The following RBM47 variants were observed in gnomAD, a reference collection of about 807,000 sequenced individuals.
RBM47 encodes RNA-binding protein 47.
In RBM47, 21 loss-of-function variants were observed where a neutral mutation model predicts 47.1. The ratio of observed to expected loss-of-function variants is 0.45; its 90% CI spans 0.32 to 0.64. The LOEUF (loss-of-function observed/expected upper bound fraction) is 0.64. Ranked by LOEUF, RBM47 falls within the 30% of genes least tolerant of loss-of-function variation. RBM47 has a pLI of 0.05. For synonymous variants in RBM47, 375 were observed against 361.7 expected, an observed-to-expected ratio of 1.04 and a Z score of -0.42; for missense variants, 708 against 870.9, an observed-to-expected ratio of 0.81 and a Z score of 2.35.
chr4:40,454,779 G>A (rs1715980456), intron 3 of RBM47, among the ~76,000 whole-genome samples: 1 of 152,148 alleles, frequency 6.6e-6, no homozygotes, highest in African/African-American at 2.4e-5. Context: ...ATTATGTGGT[G>A]GCTCACGCCT....
chr4:40,580,960 C>A (rs567545593), intron 1 of RBM47, among the ~76,000 whole-genome samples: 1 of 152,108 alleles, frequency 6.6e-6, no homozygotes, highest in Non-Finnish European at 1.5e-5. Flanking sequence ...CGCCCCATGG[C>A]GGGAACAGGT....
chr4:40,509,168 T>TAAATAAAA (rs1249767536), intron 2 of RBM47, among the ~76,000 whole-genome samples: 1 of 148,376 alleles, frequency 6.7e-6, no homozygotes, highest in African/African-American at 2.4e-5. Flanking sequence ...TCAAAATAAA[T>TAAATAAAA]AAATAAATAA....
intron 1 of RBM47, among the ~76,000 whole-genome samples, chr4:40,571,220 G>T (rs1731673281): frequency 6.8e-6 from 1 of 147,858 alleles, no homozygotes; most frequent in Admixed American, 6.9e-5. Flanking sequence ...CATCTCAAAA[G>T]AAAAAGAAAA....
intron 2 of RBM47, among the ~76,000 whole-genome samples, chr4:40,512,014 G>A (rs1035683572): frequency 1.1e-4 from 17 of 152,142 alleles, no homozygotes; most frequent in African/African-American, 3.9e-4. Flanking sequence ...GTGAAATAAA[G>A]GGAAACAAGG....
intron 2 of RBM47, among the ~76,000 whole-genome samples, chr4:40,538,390 G>A (rs1286593055): frequency 7.1e-6 from 1 of 141,260 alleles, no homozygotes; most frequent in African/African-American, 2.7e-5. Flanking sequence ...ACAATGGCAC[G>A]ATCTCAGCTC....
intron 3 of RBM47, among the ~76,000 whole-genome samples, chr4:40,462,287 T>C (rs2154228809): frequency 6.6e-6 from 1 of 152,354 alleles, no homozygotes; most frequent in Middle Eastern, 3.4e-3. Flanking sequence ...TTTGGAAACA[T>C]AGTTAGCACA....
At chr4:40,625,589 C>T (rs992335358) in intron 1 of RBM47, among the ~76,000 whole-genome samples, 2 of 152,088 alleles carry the variant, frequency 1.3e-5, no homozygotes, top group East Asian at 3.9e-4. Flanking sequence ...TTGTCTTCCA[C>T]CCCAGCTGGT....
At chr4:40,459,479 T>C (rs1036966263) in intron 3 of RBM47, among the ~76,000 whole-genome samples, 3 of 152,044 alleles carry the variant, frequency 2.0e-5, no homozygotes, top group Admixed American at 6.6e-5. Flanking sequence ...GGTGGGAGGA[T>C]TGCTTGAGCC....
intron 2 of RBM47, among the ~76,000 whole-genome samples, chr4:40,518,171 T>C (rs926280653): frequency 3.9e-5 from 5 of 128,604 alleles, no homozygotes; most frequent in South Asian, 2.8e-4. Flanking sequence ...TTTTTTTTTT[T>C]TTTTTTTTTT....
chr4:40,478,245 C>T (rs868344094), intron 2 of RBM47, among the ~76,000 whole-genome samples: 7 of 151,950 alleles, frequency 4.6e-5, no homozygotes, highest in Non-Finnish European at 8.8e-5. Flanking sequence ...GAACTCCCGA[C>T]CTCAGGTGAT....
At chr4:40,526,547 GTTTC>G (rs1726730173) in intron 2 of RBM47, among the ~76,000 whole-genome samples, 1 of 151,990 alleles carries the variant, frequency 6.6e-6, no homozygotes, top group Admixed American at 6.6e-5. Context: ...TCTTTTATTT[GTTTC>G]TTTTTGTTTT....
rs1254891298 is a variant in RBM47 at position 40,424,196 on chromosome 4, T to G, written c.*1708A>C. The G allele has an allele frequency of 6.6e-6, 1 of 152,372 alleles. No homozygotes were observed. The highest frequency in any genetic ancestry group is 1.5e-5 in the Non-Finnish European group (1 of 68,030). The allele number at this position is 152,372 out of a possible 1,614,324, so 9.4% of individuals were successfully genotyped here. The stretch of plus-strand genomic sequence containing the variant: ...GATCCTCTTATGAATCCACAAGAAT[T>G]CAGCCATCAACAAAAATCCCGTGAG... On this transcript the variant is annotated 3_prime_UTR_variant, in exon 7 of 7. Transcript: ENST00000295971.
intron 2 of RBM47, among the ~76,000 whole-genome samples, chr4:40,522,711 G>A (rs1267511545): frequency 1.3e-5 from 2 of 152,070 alleles, no homozygotes; most frequent in African/African-American, 2.4e-5. Flanking sequence ...AAGCAAATAT[G>A]AGCATACAGC....
intron 1 of RBM47, among the ~76,000 whole-genome samples, chr4:40,607,025 T>C (rs1373055671): frequency 1.3e-5 from 2 of 152,110 alleles, no homozygotes; most frequent in Non-Finnish European, 2.9e-5. Context: ...AAATGATGTG[T>C]TTTATCTTCC....
chr4:40,429,991 A>C (rs1212735013), intron 6 of RBM47, among the ~76,000 whole-genome samples: 3 of 151,888 alleles, frequency 2.0e-5, no homozygotes, highest in Non-Finnish European at 4.4e-5. Context: ...TCAGGAGATC[A>C]AGACCATCCT....
intron 1 of RBM47, among the ~76,000 whole-genome samples, chr4:40,574,379 T>A (rs1187333711): frequency 2.0e-5 from 3 of 152,204 alleles, no homozygotes; most frequent in Admixed American, 6.5e-5. Context: ...GACACCCGAC[T>A]GAGACAAACT....
intron 1 of RBM47, among the ~76,000 whole-genome samples, chr4:40,579,156 C>G (rs1412516046): frequency 6.7e-6 from 1 of 149,436 alleles, no homozygotes; most frequent in Non-Finnish European, 1.5e-5. Context: ...GGCACGGTGG[C>G]TCACGCTTGT....
chr4:40,459,944 C>T (rs548172940), intron 3 of RBM47, among the ~76,000 whole-genome samples: 19 of 152,176 alleles, frequency 1.2e-4, no homozygotes, highest in African/African-American at 4.1e-4. Context: ...TTAGTAGAGA[C>T]GGGGTTTCAC....
intron 6 of RBM47, among the ~76,000 whole-genome samples, chr4:40,430,342 C>T (rs976572813): frequency 3.3e-5 from 5 of 152,144 alleles, no homozygotes; most frequent in Non-Finnish European, 7.3e-5. Context: ...TTGGACCTGA[C>T]CAGAACTCAC....
Sources: gnomAD v4.1 joint callset for allele counts (sites outside exome capture counted in the v4.1 genomes callset) on GRCh38, gnomAD v4.1.1 for gene constraint, MANE v1.5 for transcripts, NCBI Gene and HGNC (gene_info 2026-07-23, HGNC 2026-07-21) for gene names.